CYRIB: variants seen among roughly 807,000 people sequenced by gnomAD.
The protein encoded by CYRIB is CYFIP related Rac1 interactor B, also known as CYFIP-related Rac1 interactor B.
A neutral mutation model predicts 44.2 loss-of-function variants in CYRIB; 8 were observed. The ratio of observed to expected loss-of-function variants is 0.18; its 90% CI spans 0.11 to 0.33. The LOEUF (loss-of-function observed/expected upper bound fraction) is 0.33. Among genes scored for constraint, CYRIB ranks in the 10% least tolerant of loss-of-function variants. CYRIB has a pLI of 1.00. For synonymous variants in CYRIB, 131 were observed against 127.2 expected (o/e 1.03, Z -0.20); for missense variants, 185 against 382.8 (o/e 0.48, Z 4.31).
At chr8:129,845,961 T>C (rs909779057) in intron 11 of CYRIB, among the ~76,000 whole-genome samples, 25 of 152,126 alleles carry the variant, frequency 1.6e-4, no homozygotes, top group African/African-American at 5.6e-4. Context: ...CTGGCCAACA[T>C]GGTGAAACGC....
upstream of CYRIB, among the ~76,000 whole-genome samples, chr8:129,940,864 C>T (rs2093638911): frequency 6.6e-6 from 1 of 152,136 alleles, no homozygotes; most frequent in Non-Finnish European, 1.5e-5. Context: ...CATGCACACA[C>T]ATTTGCATAA....
At chr8:129,977,723 G>A (rs1390717155) in intron 1 of CYRIB, among the ~76,000 whole-genome samples, 14 of 151,970 alleles carry the variant, frequency 9.2e-5, no homozygotes, top group Admixed American at 8.5e-4. Context: ...TAGTAGAGAT[G>A]GGGTTTCACC....
chr8:129,862,169 C>G, intron 5 of CYRIB, 60 bp downstream of exon 7: 1 of 1,264,722 alleles, frequency 7.9e-7, no homozygotes, highest in Non-Finnish European at 1.1e-6. Context: ...CTCTAAACTT[C>G]TGGAATGAAT....
At chr8:129,867,839 A>T (rs1419848470) in intron 4 of CYRIB, among the ~76,000 whole-genome samples, 1 of 152,168 alleles carries the variant, frequency 6.6e-6, no homozygotes, top group Non-Finnish European at 1.5e-5. Flanking sequence ...ATGTTTTATA[A>T]AATATAAGTA....
intron 2 of CYRIB, among the ~76,000 whole-genome samples, chr8:129,962,702 T>G (rs920054087): frequency 6.6e-6 from 1 of 152,106 alleles, no homozygotes; most frequent in Non-Finnish European, 1.5e-5. Context: ...AAAGTCTCCA[T>G]CTGTTAAAAC....
At chr8:130,009,874 C>G (rs147653782) in intron 1 of CYRIB, among the ~76,000 whole-genome samples, 9 of 152,306 alleles carry the variant, frequency 5.9e-5, no homozygotes, top group African/African-American at 2.2e-4. Context: ...GCCCAGGGCT[C>G]CATCAGCCCT....
chr8:130,005,151 T>C (rs1399221346), intron 1 of CYRIB, among the ~76,000 whole-genome samples: 1 of 152,188 alleles, frequency 6.6e-6, no homozygotes, highest in Non-Finnish European at 1.5e-5. Context: ...TTTTGCCTAT[T>C]GTGCTGACTT....
intron 1 of CYRIB, among the ~76,000 whole-genome samples, chr8:130,012,785 T>C (rs933460100): frequency 1.1e-4 from 16 of 152,096 alleles, no homozygotes; most frequent in African/African-American, 3.9e-4. Flanking sequence ...AAAATATTGC[T>C]CTCAACCTCA....
intron 1 of CYRIB, among the ~76,000 whole-genome samples, chr8:130,014,096 C>G (rs771279015): frequency 6.6e-6 from 1 of 152,136 alleles, no homozygotes; most frequent in Non-Finnish European, 1.5e-5. Flanking sequence ...AAACGAGAAC[C>G]CTAGCTCTCC....
chr8:130,016,130 G>A (rs1267749093), intron 1 of CYRIB, among the ~76,000 whole-genome samples: 1 of 148,018 alleles, frequency 6.8e-6, no homozygotes, highest in Non-Finnish European at 1.5e-5. Flanking sequence ...CGCCCCCCGC[G>A]CACTCGAGGC....
At chr8:129,854,493 C>T in intron 6 of CYRIB, 150 bp from the exon 9 acceptor site, 1 of 579,792 alleles carries the variant, frequency 1.7e-6, no homozygotes, top group Non-Finnish European at 3.0e-6. Flanking sequence ...TCCAAGGTGG[C>T]TTATAACTGT....
At chr8:129,862,151 T>C (rs913457211) in intron 5 of CYRIB, 78 bp downstream of exon 7, 22 of 1,076,714 alleles carry the variant, frequency 2.0e-5, no homozygotes, top group Non-Finnish European at 3.0e-5. Flanking sequence ...ATTATGAACA[T>C]AAAAAAACTC....
chr8:129,931,185 G>C (rs1276427615), intron 1 of CYRIB, among the ~76,000 whole-genome samples: 2 of 151,592 alleles, frequency 1.3e-5, no homozygotes, highest in African/African-American at 4.8e-5. Flanking sequence ...TTGTGAATTT[G>C]AACATTCCCT....
intron 1 of CYRIB, among the ~76,000 whole-genome samples, chr8:129,904,203 T>G (rs2073984825): frequency 6.6e-6 from 1 of 152,130 alleles, no homozygotes; most frequent in Non-Finnish European, 1.5e-5. Context: ...AAGCCTCATG[T>G]TTTCACTCTA....
intron 2 of CYRIB, among the ~76,000 whole-genome samples, chr8:129,945,667 C>T (rs149553088): frequency 5.3e-5 from 8 of 152,322 alleles, no homozygotes; most frequent in African/African-American, 1.9e-4. Flanking sequence ...CTCCCGAGTT[C>T]AAGCGACTTT....
chr8:130,001,216 G>A (rs1178206932), intron 1 of CYRIB, among the ~76,000 whole-genome samples: 1 of 152,068 alleles, frequency 6.6e-6, no homozygotes, highest in African/African-American at 2.4e-5. Context: ...CTTTTCTTCT[G>A]CCCCTGCCTC....
At chr8:130,001,671 C>T (rs906231060) in intron 1 of CYRIB, among the ~76,000 whole-genome samples, 3 of 151,532 alleles carry the variant, frequency 2.0e-5, no homozygotes, top group Admixed American at 1.3e-4. Context: ...TGGGACTACA[C>T]GTGCGCCACC....
chr8:129,937,907 T>C (rs1161294184), intron 1 of CYRIB, among the ~76,000 whole-genome samples: 2 of 151,276 alleles, frequency 1.3e-5, no homozygotes, highest in Non-Finnish European at 2.9e-5. Context: ...CTCTCTCTCA[T>C]GAGTTAGGAA....
chr8:130,002,377 C>A (rs538551087), intron 1 of CYRIB, among the ~76,000 whole-genome samples: 1 of 151,992 alleles, frequency 6.6e-6, no homozygotes, highest in East Asian at 1.9e-4. Context: ...AGGAGGATCA[C>A]CTGAGCCAGA....
Sources: allele counts gnomAD v4.1 joint callset (sites outside exome capture counted in the v4.1 genomes callset), GRCh38; gene constraint gnomAD v4.1.1; transcripts MANE v1.5; gene names NCBI Gene and HGNC (gene_info 2026-07-23, HGNC 2026-07-21).